SFI1: variants seen among roughly 807,000 people sequenced by gnomAD.
SFI1 encodes SFI1 centrin binding protein.
SFI1 carries 195 observed loss-of-function variants against 207.5 expected under a neutral mutation model. The observed-to-expected ratio is 0.94, with a 90% CI of 0.84 to 1.06. The LOEUF is 1.06. Among genes scored for constraint, SFI1 ranks in the 50% least tolerant of loss-of-function variants. The pLI, the probability that SFI1 is intolerant of heterozygous loss-of-function variation, is 0.00. For missense variants in SFI1, 1,634 were observed against 1,588.0 expected, an observed-to-expected ratio of 1.03 and a Z score of -0.49; for synonymous variants, 630 against 598.9, an observed-to-expected ratio of 1.05 and a Z score of -0.76.
intron 15 of SFI1, among the ~76,000 whole-genome samples, chr22:31,591,050 G>A (rs2065824905): frequency 1.3e-5 from 2 of 151,446 alleles, no homozygotes; most frequent in Admixed American, 1.3e-4. Context: ...CAATAGTGGA[G>A]GGAAGGTCAG....
intron 8 of SFI1, among the ~76,000 whole-genome samples, chr22:31,570,767 AAAAAT>A (rs1316250584): frequency 6.6e-6 from 1 of 152,062 alleles, no homozygotes; most frequent in Admixed American, 6.6e-5. Flanking sequence ...GGGTGGGTGA[AAAAAT>A]AAAAGGAGTG....
chr22:31,573,615 T>G (rs1302296392), intron 9 of SFI1, among the ~76,000 whole-genome samples: 1 of 152,080 alleles, frequency 6.6e-6, no homozygotes, highest in African/African-American at 2.4e-5. Context: ...TTTTTGTATT[T>G]TTAGTAAAGA....
chr22:31,542,946 G>A (rs2059704389), intron 4 of SFI1, among the ~76,000 whole-genome samples: 1 of 144,576 alleles, frequency 6.9e-6, no homozygotes, highest in South Asian at 2.2e-4. Flanking sequence ...ACACGTGTGA[G>A]CCACTGTGCC....
intron 15 of SFI1, 24 bp downstream of exon 15, chr22:31,589,601 C>A: frequency 6.3e-7 from 1 of 1,597,512 alleles, no homozygotes; most frequent in Non-Finnish European, 8.5e-7. Context: ...CTCCTGTCTG[C>A]ACTGGGGCAG....
At chr22:31,575,137 C>G in intron 9 of SFI1, 94 bp from the exon 10 acceptor site, 2 of 1,139,912 alleles carry the variant, frequency 1.8e-6, no homozygotes, top group South Asian at 3.2e-5. Flanking sequence ...TGAACCCCTG[C>G]TCTCTGCCAG....
At chr22:31,522,451 A>G (rs1021077958) in intron 2 of SFI1, among the ~76,000 whole-genome samples, 6 of 152,152 alleles carry the variant, frequency 3.9e-5, no homozygotes, top group Non-Finnish European at 5.9e-5. Context: ...ACTTTTCATC[A>G]TCCCATGTGG....
intron 6 of SFI1, among the ~76,000 whole-genome samples, chr22:31,556,613 A>G (rs909875734): frequency 6.6e-6 from 1 of 152,070 alleles, no homozygotes; most frequent in African/African-American, 2.4e-5. Flanking sequence ...CCATCTCTCC[A>G]CTTCTTTGCT....
At chr22:31,588,966 T>C (rs1389124548) in intron 14 of SFI1, among the ~76,000 whole-genome samples, 1 of 152,214 alleles carries the variant, frequency 6.6e-6, no homozygotes, top group Non-Finnish European at 1.5e-5. Flanking sequence ...ATCAGTAAAA[T>C]AGTAGACTTT....
intron 4 of SFI1, among the ~76,000 whole-genome samples, chr22:31,535,283 G>A (rs1182663096): frequency 1.4e-5 from 2 of 143,108 alleles, no homozygotes; most frequent in Non-Finnish European, 3.0e-5. Flanking sequence ...TCTGCCTTCC[G>A]GGTTCAAGCG....
chr22:31,605,117 C>T, intron 20 of SFI1, 172 bp downstream of exon 20: 1 of 574,258 alleles, frequency 1.7e-6, no homozygotes, highest in Non-Finnish European at 3.0e-6. Flanking sequence ...GCCTTCATGT[C>T]TTAAGCCCCT....
At position 31,558,119 on chromosome 22, in the gene SFI1, T is replaced by G. The variant is rs190897501; in HGVS notation, c.662+1060T>G. 4.5e-4 allele frequency among the ~76,000 whole-genome samples: 69 copies of G among 152,346 alleles called. 1 individual carries two copies. Among genetic ancestry groups the G allele is most frequent in the African/African-American group, 1.3e-3 (56 of 41,592 alleles). ...CTCTTCAGCTCTTATTTTCCTCATC[T>G]GTGAAATAGTTACACCATACTTAAA... On this transcript the variant is annotated intron_variant, in intron 7 of 32. Transcript: ENST00000400288.
chr22:31,528,483 T>A (rs2058150041), intron 2 of SFI1, among the ~76,000 whole-genome samples: 1 of 152,162 alleles, frequency 6.6e-6, no homozygotes, highest in African/African-American at 2.4e-5. Flanking sequence ...AGCTCTGTAG[T>A]TCCTGCCTAG....
intron 1 of SFI1, among the ~76,000 whole-genome samples, chr22:31,498,037 G>A (rs1569138978): frequency 6.6e-6 from 1 of 152,216 alleles, no homozygotes; most frequent in Non-Finnish European, 1.5e-5. Context: ...GCTCATGCCT[G>A]TAATCCCAGC....
intron 2 of SFI1, among the ~76,000 whole-genome samples, chr22:31,514,794 AC>A (rs2056245947): frequency 6.9e-6 from 1 of 145,300 alleles, no homozygotes; most frequent in Non-Finnish European, 1.5e-5. Flanking sequence ...TTTTTTTGAG[AC>A]GGAGTCTCAC....
chr22:31,557,023 C>T lies in SFI1; in HGVS notation c.626C>T (p.Thr209Ile). Residue 209 changes from threonine (T) to isoleucine (I), a missense_variant, in exon 7 of 33, where the codon ACT (threonine) becomes ATT (isoleucine). Thr to Ile is a moderately conservative substitution (Grantham distance 89). Coordinates refer to ENST00000400288, the MANE Select transcript of SFI1 (RefSeq NM_001007467.3). ...CGTAGGACCAAACTTCAGATGCAGA[C>T]TACAGCTCTGGAGTTTAGGCAACGG... ...VVRRTKLQMQ[T>I]TALEFRQRII... The T allele has an allele frequency of 6.2e-7, 1 of 1,611,912 alleles. No homozygotes were observed. Among genetic ancestry groups the T allele is most frequent in the East Asian group, 2.2e-5 (1 of 44,800 alleles).
At chr22:31,516,725 TG>T (rs2056565723) in intron 2 of SFI1, among the ~76,000 whole-genome samples, 1 of 150,732 alleles carries the variant, frequency 6.6e-6, no homozygotes, top group Non-Finnish European at 1.5e-5. Context: ...GAGGCTGAGG[TG>T]GGCGGATCAC....
chr22:31,497,022 A>C (rs371659395), intron 1 of SFI1, among the ~76,000 whole-genome samples: 1 of 152,312 alleles, frequency 6.6e-6, no homozygotes, highest in South Asian at 2.1e-4. Flanking sequence ...TCCGTGGCCC[A>C]GGAGCGGAAG....
chr22:31,613,189 G>C lies in SFI1; in HGVS notation c.2538G>C (p.Trp846Cys), dbSNP rs754206261. ...QEQRATVRAL[W>C]FWAFSLQAKV... ...AGCGGGCGACAGTGCGGGCCCTGTG[G>C]TTCTGGGCCTTCTCGCTGCAGGCAA... The change falls in exon 25 of 33, where the codon TGG becomes TGC. Residue 846 changes from tryptophan to cysteine, a missense_variant. Coordinates refer to ENST00000400288, the MANE Select transcript of SFI1 (RefSeq NM_001007467.3). 4.3e-6 allele frequency: 7 copies of C among 1,613,752 alleles called. No homozygotes were observed. The highest frequency in any genetic ancestry group is 5.9e-6 in the Non-Finnish European group (7 of 1,180,046).
intron 7 of SFI1, chr22:31,559,782 G>T (rs1602700140): frequency 1.4e-6 from 1 of 738,434 alleles, no homozygotes. Context: ...GTCCTAGCCA[G>T]TGGTCTGGAC....
Sources: gnomAD v4.1 joint callset for allele counts (sites outside exome capture counted in the v4.1 genomes callset) on GRCh38, gnomAD v4.1.1 for gene constraint, MANE v1.5 for transcripts, NCBI Gene and HGNC (gene_info 2026-07-23, HGNC 2026-07-21) for gene names.